EML5: variants seen among roughly 807,000 people sequenced by gnomAD.
The protein encoded by EML5 is EMAP like 5, also known as echinoderm microtubule-associated protein-like 5.
EML5 carries 120 observed loss-of-function variants against 250.0 expected under a neutral mutation model. That is an observed-to-expected ratio of 0.48 (90% confidence interval 0.41 to 0.56). EML5 has a LOEUF of 0.56. Ranked by LOEUF, EML5 falls within the 20% of genes least tolerant of loss-of-function variation. The probability of loss-of-function intolerance (pLI) is 0.00; values close to 1 mark genes in which losing one functional copy is unlikely to be tolerated. For missense variants in EML5, 2,006 were observed against 2,437.6 expected (o/e 0.82, Z 3.73); for synonymous variants, 771 against 806.5 (o/e 0.96, Z 0.75).
intron 7 of EML5, among the ~76,000 whole-genome samples, chr14:88,728,098 G>C (rs567086837): frequency 2.2e-4 from 33 of 152,068 alleles, no homozygotes; most frequent in Non-Finnish European, 4.6e-4. Flanking sequence ...TATACAGTTG[G>C]CCCTCTGTAT....
chr14:88,692,670 G>T (rs2092988060), intron 17 of EML5, among the ~76,000 whole-genome samples: 1 of 152,166 alleles, frequency 6.6e-6, no homozygotes, highest in South Asian at 2.1e-4. Flanking sequence ...TGTAGTATAT[G>T]CTGCGAATTT....
In EML5 at chr14:88,715,117, G is replaced by A; in HGVS notation, c.1266C>T (p.Tyr422=). ...AGCTGTCATTGCATCCAACAGCAAG[G>A]TAAGTTCCATCTGGTGAATATTTTA... is the stretch of plus-strand genomic sequence containing the variant. The part of the protein sequence containing the change: ...HELKYSPDGT[Y]LAVGCNDSSV... The change falls in exon 9 of 44, where the codon TAC becomes TAT. Residue 422 remains tyrosine, a synonymous_variant. Transcript: ENST00000554922. 6.2e-7 allele frequency: 1 copy of A among 1,613,140 alleles called. No homozygotes were observed. Among genetic ancestry groups the A allele is most frequent in the Non-Finnish European group, 8.5e-7 (1 of 1,179,502 alleles).
Position 88,638,926 on chromosome 14 carries a change from G to A in EML5, c.4238-19C>T, listed in dbSNP as rs1287885498. 2.0e-6 allele frequency: 3 copies of A among 1,533,044 alleles called. No homozygotes were observed. Among genetic ancestry groups the A allele is most frequent in the Non-Finnish European group, 2.6e-6 (3 of 1,138,582 alleles). The allele number at this position is 1,533,044 out of a possible 1,614,324, so 95.0% of individuals were successfully genotyped here. A position where few individuals can be genotyped will look rare whatever the true frequency, so the allele number is the denominator to read the frequency against. On this transcript the variant is annotated intron_variant, in intron 31 of 43. Coordinates refer to ENST00000554922, the MANE Select transcript of EML5 (RefSeq NM_183387.3). ...TGAGAACCTACAAAAAAGAATTTGA[G>A]AATTAAGTTTGAAAATTTTAAGATG...
intron 33 of EML5, 67 bp downstream of exon 33, chr14:88,634,402 T>A: frequency 1.9e-6 from 2 of 1,076,468 alleles, no homozygotes; most frequent in Non-Finnish European, 2.6e-6. Flanking sequence ...TACTTGAACT[T>A]AAGTTTAATA....
chr14:88,688,721 TTGA>T (rs1181156924), intron 17 of EML5, among the ~76,000 whole-genome samples: 1 of 152,228 alleles, frequency 6.6e-6, no homozygotes, highest in African/African-American at 2.4e-5. Flanking sequence ...CTTAGCACTT[TTGA>T]TGATGTTTTT....
intron 1 of EML5, among the ~76,000 whole-genome samples, chr14:88,770,820 C>T (rs57889459): frequency 0.24 from 36,067 of 151,942 alleles, 4,476 homozygotes; most frequent in East Asian, 0.38. Flanking sequence ...AGGGTATATT[C>T]CCATTCTAAA....
Position 88,687,275 on chromosome 14 carries a change from A to G in EML5, c.2795T>C (p.Phe932Ser), listed in dbSNP as rs2092854637. The G allele has an allele frequency of 6.2e-7, 1 of 1,612,632 alleles. No individual in the cohort carries two copies. The highest frequency in any genetic ancestry group is 1.1e-5 in the South Asian group (1 of 90,528). ...DGIVALWDDS[F>S]ERCLKTYAIK... is the part of the protein sequence containing the mutation. ...AGCATAGGTCTTGAGACATCTTTCAAAAGAGTCATCCCAAAGAGCTACTAT... is the reference window on the plus strand; with the variant it reads ...AGCATAGGTCTTGAGACATCTTTCAGAAGAGTCATCCCAAAGAGCTACTAT... The change falls in exon 19 of 44, where the codon TTT becomes TCT. Residue 932 changes from phenylalanine to serine, a missense_variant. By Grantham distance (155) the Phe-to-Ser change is radical (BLOSUM62 -2). Around this residue, in one of 7 missense-constraint regions of EML5, gnomAD observed 1,375 missense variants for 1,590.3 expected, o/e 0.86. Transcript: ENST00000554922.
chr14:88,682,382 C>A (rs2092732142), intron 20 of EML5, among the ~76,000 whole-genome samples: 1 of 150,552 alleles, frequency 6.6e-6, no homozygotes, highest in Non-Finnish European at 1.5e-5. Flanking sequence ...CAGACCTGCT[C>A]ACCAGTGAAA....
At chr14:88,627,291 ATAT>A (rs1466775911) in intron 34 of EML5, 7 of 534,916 alleles carry the variant, frequency 1.3e-5, no homozygotes, top group Non-Finnish European at 2.0e-5. Context: ...GTGGTAGGTA[ATAT>A]TATCCTGCTG....
intron 15 of EML5, 138 bp from the exon 16 acceptor site, chr14:88,695,592 T>C: frequency 1.3e-6 from 1 of 774,864 alleles, no homozygotes; most frequent in East Asian, 2.9e-5. Flanking sequence ...CATACACCTA[T>C]AAAAAGAACC....
chr14:88,618,875 A>G (rs560956397), intron 39 of EML5, 63 bp from the exon 40 acceptor site: 1 of 1,463,906 alleles, frequency 6.8e-7, no homozygotes, highest in African/African-American at 1.4e-5. Flanking sequence ...ACTTAAGATC[A>G]GTGACTTTTC....
intron 27 of EML5, 150 bp downstream of exon 27, chr14:88,657,226 A>G (rs1428638515): frequency 2.8e-6 from 2 of 712,930 alleles, no homozygotes; most frequent in Non-Finnish European, 4.4e-6. Context: ...AGGTATTTAA[A>G]GACAGACATA....
intron 21 of EML5, among the ~76,000 whole-genome samples, chr14:88,666,621 ATATTTT>A (rs1227497050): frequency 6.6e-6 from 1 of 151,924 alleles, no homozygotes; most frequent in Non-Finnish European, 1.5e-5. Context: ...ATATGAAATG[ATATTTT>A]TATTATTAAT....
chr14:88,668,838 G>A (rs894172658), intron 21 of EML5, among the ~76,000 whole-genome samples: 2 of 151,910 alleles, frequency 1.3e-5, no homozygotes, highest in Non-Finnish European at 2.9e-5. Flanking sequence ...AAATTAAAAG[G>A]GGAGCAGAAA....
chr14:88,672,300 G>C (rs1245782003), intron 21 of EML5, among the ~76,000 whole-genome samples: 1 of 152,058 alleles, frequency 6.6e-6, no homozygotes. Context: ...AATGACTCCT[G>C]GGTAAATAAT....
chr14:88,694,221 AG>A, intron 17 of EML5, 85 bp downstream of exon 17: 1 of 833,376 alleles, frequency 1.2e-6, no homozygotes, highest in Non-Finnish European at 2.0e-6. Flanking sequence ...GATGCAGTCT[AG>A]GGTACACACT....
rs569817265 is a variant in EML5, at chr14:88,666,975, A to G, written c.3125-1486T>C. ...GAGCTGGGTGGCAGCAGTGGAGGTG[A>G]TAAGAGGAAGGATTTGGATATATTT... On this transcript the variant is annotated intron_variant, in intron 21 of 43. Coordinates refer to ENST00000554922, the MANE Select transcript of EML5 (RefSeq NM_183387.3). Among the ~76,000 whole-genome samples, 51 of 152,292 alleles carry G rather than the reference A, an allele frequency of 3.3e-4. No individual in the cohort carries two copies. The East Asian group carries it at 8.9e-3, about 27-fold the overall frequency.
chr14:88,712,155 C>T (rs961138512), intron 10 of EML5, 116 bp downstream of exon 10: 8 of 687,008 alleles, frequency 1.2e-5, no homozygotes, highest in African/African-American at 1.1e-4. Context: ...AAACCCTTCA[C>T]CAATCAGTGT....
At chr14:88,744,149 C>T in intron 3 of EML5, 58 bp from the exon 4 acceptor site, 1 of 1,334,402 alleles carries the variant, frequency 7.5e-7, no homozygotes, top group Non-Finnish European at 1.0e-6. Flanking sequence ...TTTAAAAATC[C>T]TGTCCAAAAG....
Sources: gnomAD v4.1 joint callset for allele counts (sites outside exome capture counted in the v4.1 genomes callset) on GRCh38, gnomAD v4.1.1 for gene constraint, gnomAD v4.1.1 regional missense constraint, MANE v1.5 for transcripts, NCBI Gene and HGNC (gene_info 2026-07-23, HGNC 2026-07-21) for gene names.